EML6: variants seen among roughly 807,000 people sequenced by gnomAD.
EML6 encodes the protein EMAP like 6.
EML6 carries 154 observed loss-of-function variants against 240.1 expected under a neutral mutation model. The ratio of observed to expected loss-of-function variants is 0.64; its 90% confidence interval spans 0.56 to 0.73. The LOEUF (loss-of-function observed/expected upper bound fraction) is 0.73, where lower values mean the gene tolerates loss of function less well. EML6 is among the 30% of genes least tolerant of loss of function. The probability of loss-of-function intolerance (pLI) is 0.00; values close to 1 mark genes in which losing one functional copy is unlikely to be tolerated. For synonymous variants in EML6, 1,148 were observed against 899.0 expected (o/e 1.28, Z -4.95); for missense variants, 2,964 against 2,474.6 (o/e 1.20, Z -4.20).
chr2:54,824,443 T>C (rs1668490766), intron 5 of EML6, among the ~76,000 whole-genome samples: 1 of 152,212 alleles, frequency 6.6e-6, no homozygotes, highest in Non-Finnish European at 1.5e-5. Context: ...GTATTCTCTA[T>C]ATCCAATTAC....
At chr2:54,807,639 T>C in intron 2 of EML6, among the ~76,000 whole-genome samples, 1 of 152,216 alleles carries the variant, frequency 6.6e-6, no homozygotes, top group Admixed American at 6.5e-5. Context: ...TTCTACCATA[T>C]GGATAGGATA....
chr2:54,772,840 C>T (rs1332248001), intron 2 of EML6, among the ~76,000 whole-genome samples: 2 of 152,176 alleles, frequency 1.3e-5, no homozygotes, highest in African/African-American at 2.4e-5. Flanking sequence ...TGCTGGTCGA[C>T]GAGGGTGATG....
intron 28 of EML6, among the ~76,000 whole-genome samples, chr2:54,935,354 A>C (rs889182167): frequency 6.6e-6 from 1 of 152,182 alleles, no homozygotes; most frequent in African/African-American, 2.4e-5. Context: ...TGTTCTTTCT[A>C]ATGGAAAGTG....
At chr2:54,806,755 A>C (rs1670516045) in intron 2 of EML6, among the ~76,000 whole-genome samples, 1 of 151,846 alleles carries the variant, frequency 6.6e-6, no homozygotes, top group Non-Finnish European at 1.5e-5. Flanking sequence ...CTACTGTTTT[A>C]ATCACTGCTT....
At chr2:54,845,408 T>C (rs1026133653) in intron 8 of EML6, among the ~76,000 whole-genome samples, 3 of 152,248 alleles carry the variant, frequency 2.0e-5, no homozygotes, top group Non-Finnish European at 2.9e-5. Context: ...TTCGCTTTTA[T>C]GTTTCAACAA....
At position 54,941,819 on chromosome 2, in the gene EML6, C is replaced by T. The variant is rs550951717; in HGVS notation, c.4005-7063C>T. On this transcript the variant is annotated intron_variant, in intron 28 of 41. Transcript: ENST00000356458. ...CTCCAGAGCCCTTCTCTCGAAGCTG[C>T]GTTCTTCTTCATCCCACCCCTTCGT... 2.6e-5 allele frequency among the ~76,000 whole-genome samples: 4 copies of T among 152,384 alleles called. No individual in the cohort carries two copies. In the South Asian group the frequency reaches 8.3e-4, roughly 32 times the overall value.
intron 2 of EML6, among the ~76,000 whole-genome samples, chr2:54,730,211 G>A (rs975134800): frequency 2.0e-5 from 3 of 151,996 alleles, no homozygotes; most frequent in African/African-American, 7.2e-5. Context: ...CTGAAACAAT[G>A]ATCTATTAGA....
intron 26 of EML6, among the ~76,000 whole-genome samples, chr2:54,927,986 C>G (rs1336980143): frequency 6.6e-6 from 1 of 152,214 alleles, no homozygotes; most frequent in Non-Finnish European, 1.5e-5. Context: ...GGAGTTTACA[C>G]TAGAGACCTG....
intron 26 of EML6, among the ~76,000 whole-genome samples, chr2:54,922,606 C>T (rs1256442602): frequency 2.6e-5 from 4 of 152,156 alleles, no homozygotes; most frequent in Admixed American, 1.3e-4. Flanking sequence ...TTCATTACAG[C>T]ATTATTTACA....
chr2:54,894,879 A>T (rs1290351717), intron 19 of EML6, 36 bp from the exon 20 acceptor site: 2 of 1,434,288 alleles, frequency 1.4e-6, no homozygotes, highest in Admixed American at 2.0e-5. Flanking sequence ...GGTCATTTTG[A>T]TGTGTATATA....
rs1338808165 is a variant in EML6, at chr2:54,869,304, G to A, written c.2175G>A (p.Gly725=). Residue 725 remains glycine, a synonymous_variant, in exon 15 of 42, where the codon GGG becomes GGA. Transcript: ENST00000356458. The stretch of plus-strand genomic sequence containing the variant: ...AGCACTCCCAGAGGCTGTACCTGGG[G>A]CACGATGACGACATTCTCAGCCTGA... ...RQQHSQRLYL[G]HDDDILSLTI... The A allele has an allele frequency of 3.2e-6, 5 of 1,551,698 alleles. No homozygotes were observed. The highest frequency in any genetic ancestry group is 1.7e-4 in the Middle Eastern group (1 of 5,990).
At chr2:54,740,606 C>T (rs1683587353) in intron 2 of EML6, among the ~76,000 whole-genome samples, 1 of 152,154 alleles carries the variant, frequency 6.6e-6, no homozygotes, top group South Asian at 2.1e-4. Flanking sequence ...TTTCTTCTTA[C>T]ATCTGCTTTA....
intron 5 of EML6, among the ~76,000 whole-genome samples, chr2:54,825,344 C>G (rs1445427963): frequency 2.0e-5 from 3 of 152,116 alleles, no homozygotes; most frequent in East Asian, 1.9e-4. Flanking sequence ...AAATGTTTTC[C>G]AAAGCTTATA....
At chr2:54,888,319 A>G (rs1298931153) in intron 17 of EML6, among the ~76,000 whole-genome samples, 1 of 152,202 alleles carries the variant, frequency 6.6e-6, no homozygotes, top group Non-Finnish European at 1.5e-5. Flanking sequence ...GGTTCCACCC[A>G]TGGTTGCATG....
At chr2:54,896,519 T>C (rs1165657900) in intron 21 of EML6, among the ~76,000 whole-genome samples, 2 of 152,182 alleles carry the variant, frequency 1.3e-5, no homozygotes, top group Non-Finnish European at 2.9e-5. Context: ...GGAGGTGCGT[T>C]AGGTAGTCCT....
chr2:54,962,720 G>T lies in EML6; in HGVS notation c.5157+9G>T, dbSNP rs561422032. On this transcript the variant is annotated intron_variant, in intron 36 of 41. Coordinates refer to ENST00000356458, the MANE Select transcript of EML6 (RefSeq NM_001039753.4). ...GGGACCTGGCTGACAAGGTGAGGCCGACTCTGCCCAAACTCAGATGCCCAC... is the reference window on the plus strand; with the variant it reads ...GGGACCTGGCTGACAAGGTGAGGCCTACTCTGCCCAAACTCAGATGCCCAC... 47 of 1,462,112 alleles carry T rather than the reference G, an allele frequency of 3.2e-5. 2 individuals are homozygous for T. The South Asian group carries it at 6.5e-4, about 20-fold the overall frequency. 90.6% of individuals were successfully genotyped at this position (1,462,112 alleles called of 1,614,324 possible).
intron 2 of EML6, among the ~76,000 whole-genome samples, chr2:54,801,288 C>G (rs151020514): frequency 6.7e-6 from 1 of 149,148 alleles, no homozygotes; most frequent in Non-Finnish European, 1.5e-5. Flanking sequence ...GCATTCCAGC[C>G]TGGGCTACAG....
rs1209578102 is a variant in EML6, at chr2:54,820,407, C to T, written c.470C>T (p.Ser157Phe). Residue 157 changes from serine to phenylalanine, a missense_variant, in exon 5 of 42, where the codon TCC (serine) becomes TTC (phenylalanine). Physicochemically the swap from Ser to Phe is radical, Grantham distance 155. Transcript: ENST00000356458. The stretch of plus-strand genomic sequence containing the variant: ...TGTTTTGAACAGATTTTTGATATTT[C>T]CTGGGATCCATATCAGCCAAACAGA... ...TGHSDRIFDI[S>F]WDPYQPNRVV... The T allele has an allele frequency of 1.2e-5, 19 of 1,549,042 alleles. No homozygotes were observed. The highest frequency in any genetic ancestry group is 1.7e-5 in the Non-Finnish European group (19 of 1,144,960).
At chr2:54,920,267 C>A (rs954302431) in intron 26 of EML6, among the ~76,000 whole-genome samples, 1 of 151,812 alleles carries the variant, frequency 6.6e-6, no homozygotes, top group Non-Finnish European at 1.5e-5. Flanking sequence ...TAAAATTGAC[C>A]AACCTTTAGC....
Sources: gnomAD v4.1 joint callset for allele counts (sites outside exome capture counted in the v4.1 genomes callset) on GRCh38, gnomAD v4.1.1 for gene constraint, MANE v1.5 for transcripts, NCBI Gene and HGNC (gene_info 2026-07-23, HGNC 2026-07-21) for gene names.